CDNF: variants seen among roughly 807,000 people sequenced by gnomAD.
CDNF encodes cerebral dopamine neurotrophic factor.
A neutral mutation model predicts 14.8 loss-of-function variants in CDNF; 9 were observed. That is an observed-to-expected ratio of 0.61 (90% CI 0.37 to 1.06). CDNF has a LOEUF of 1.06. CDNF is among the 50% of genes least tolerant of loss of function. The pLI is 0.01. For synonymous variants in CDNF, 86 were observed against 87.2 expected, an observed-to-expected ratio of 0.99 and a Z score of 0.07; for missense variants, 228 against 228.4, an observed-to-expected ratio of 1.00 and a Z score of 0.01.
chr10:14,820,946 C>T (rs532098753), intron 3 of CDNF, among the ~76,000 whole-genome samples: 3 of 151,522 alleles, frequency 2.0e-5, no homozygotes, highest in Non-Finnish European at 4.4e-5. Context: ...AAGTGTAGCA[C>T]CTCCCCCTTT....
intron 1 of CDNF, among the ~76,000 whole-genome samples, chr10:14,830,550 G>A (rs141965903): frequency 1.1e-3 from 169 of 151,848 alleles, no homozygotes; most frequent in Non-Finnish European, 1.1e-3. Context: ...CTGTAAGTAA[G>A]ACTCACATTT....
intron 3 of CDNF, among the ~76,000 whole-genome samples, chr10:14,824,570 C>A (rs990387719): frequency 6.9e-6 from 1 of 145,536 alleles, no homozygotes; most frequent in Non-Finnish European, 1.5e-5. Context: ...CGCACCACTG[C>A]ACTCCAGCCT....
At position 14,826,041 on chromosome 10, in the gene CDNF, A is replaced by C. The variant is rs796700652; in HGVS notation, c.244-421T>G. On this transcript the variant is annotated intron_variant, in intron 2 of 3. Coordinates refer to ENST00000465530, the MANE Select transcript of CDNF (RefSeq NM_001029954.3). ...GAAGAAGAAGAAGGAGAAGAAGAAG[A>C]AGAAGAAGAAGAAGAAGAAGAAGAA... is the stretch of plus-strand genomic sequence containing the variant. 3.2e-4 allele frequency among the ~76,000 whole-genome samples: 30 copies of C among 93,350 alleles called. 2 individuals are homozygous for C. Among genetic ancestry groups the C allele is most frequent in the East Asian group, 1.3e-3 (5 of 3,746 alleles). 61.2% of individuals were successfully genotyped at this position (93,350 alleles called of 152,430 possible).
intron 1 of CDNF, among the ~76,000 whole-genome samples, chr10:14,835,231 T>A (rs1469336194): frequency 6.6e-6 from 1 of 152,096 alleles, no homozygotes; most frequent in Non-Finnish European, 1.5e-5. Flanking sequence ...GTTAGAGATT[T>A]ATTAGACTGG....
intron 1 of CDNF, among the ~76,000 whole-genome samples, chr10:14,834,976 G>A (rs1385043369): frequency 6.6e-6 from 1 of 152,182 alleles, no homozygotes; most frequent in Non-Finnish European, 1.5e-5. Flanking sequence ...ACTCAACGAT[G>A]TAGTGATTGG....
chr10:14,821,444 C>A lies in CDNF; in HGVS notation c.386-1286G>T, dbSNP rs79925145. The stretch of plus-strand genomic sequence containing the variant: ...TGGCCAATAGTTCTTTACAGCAATG[C>A]GGGAACAGACTAATACAAATAGCAT... On this transcript the variant is annotated intron_variant, in intron 3 of 3. Coordinates refer to ENST00000465530, the MANE Select transcript of CDNF (RefSeq NM_001029954.3). Among the ~76,000 whole-genome samples, 3 of 152,084 alleles carry A rather than the reference C, an allele frequency of 2.0e-5. 1 individual carries two copies. Among genetic ancestry groups the A allele is most frequent in the South Asian group, 4.1e-4 (2 of 4,834 alleles).
chr10:14,833,514 T>C (rs1833862807), intron 1 of CDNF, among the ~76,000 whole-genome samples: 1 of 152,196 alleles, frequency 6.6e-6, no homozygotes, highest in African/African-American at 2.4e-5. Context: ...AGATAAATAT[T>C]ACAGATATTA....
At position 14,826,460 on chromosome 10, in the gene CDNF, GA is replaced by G. The variant is rs773654810; in HGVS notation, c.244-841del. ...GAAAGAAGCAGAAGAAGCAGAAGAA[GA>G]AAGAAGCAGAAGAAGAAGAAAAAGA... On this transcript the variant is annotated intron_variant, in intron 2 of 3. Coordinates refer to ENST00000465530, the MANE Select transcript of CDNF (RefSeq NM_001029954.3). 2.0e-4 allele frequency among the ~76,000 whole-genome samples: 26 copies of G among 127,850 alleles called. No individual in the cohort carries two copies. The East Asian group carries it at 3.7e-3, about 18-fold the overall frequency. 83.9% of individuals were successfully genotyped at this position (127,850 alleles called of 152,430 possible).
At chr10:14,822,212 A>G (rs750685296) in intron 3 of CDNF, among the ~76,000 whole-genome samples, 7 of 152,176 alleles carry the variant, frequency 4.6e-5, no homozygotes, top group Non-Finnish European at 1.0e-4. Flanking sequence ...CTTGCCAATG[A>G]TACTTGTCAC....
intron 1 of CDNF, among the ~76,000 whole-genome samples, chr10:14,831,581 TA>T (rs962072740): frequency 1.1e-4 from 16 of 150,662 alleles, no homozygotes; most frequent in South Asian, 4.2e-4. Flanking sequence ...TATATATATA[TA>T]TTTTTTTTCA....
rs562536633 is a variant in CDNF at position 14,829,651 on chromosome 10, C to T, written c.116-1379G>A. On this transcript the variant is annotated intron_variant, in intron 1 of 3. Coordinates refer to ENST00000465530, the MANE Select transcript of CDNF (RefSeq NM_001029954.3). ...TTGTTTGTTTGTTTGTTTTTTAAGACGAAGTCTCGCTCTGTTCACCCAGGC... is the reference window on the plus strand; with the variant it reads ...TTGTTTGTTTGTTTGTTTTTTAAGATGAAGTCTCGCTCTGTTCACCCAGGC... Among the ~76,000 whole-genome samples the T allele has an allele frequency of 1.3e-3, 195 of 152,068 alleles. 1 individual carries two copies. Among genetic ancestry groups the T allele is most frequent in the African/African-American group, 4.5e-3 (186 of 41,490 alleles).
chr10:14,835,577 A>G (rs1407665653), intron 1 of CDNF, among the ~76,000 whole-genome samples: 1 of 152,204 alleles, frequency 6.6e-6, no homozygotes, highest in Non-Finnish European at 1.5e-5. Flanking sequence ...GGATGTCTTT[A>G]TTGCTAAAAT....
chr10:14,828,255 T>G lies in CDNF; in HGVS notation c.133A>C (p.Asn45His). ...TCTATCAGTGACTTGTAGAATCGGTTCAAGAATTCTTTACATACTGGAAGG... is the reference window on the plus strand; with the variant it reads ...TCTATCAGTGACTTGTAGAATCGGTGCAAGAATTCTTTACATACTGGAAGG... ...ADCEVCKEFL[N>H]RFYKSLIDRG... The change falls in exon 2 of 4, where the codon AAC (asparagine) becomes CAC (histidine). Residue 45 changes from asparagine (N) to histidine (H), a missense_variant. Transcript: ENST00000465530. 1 of 1,613,748 alleles carries G rather than the reference T, an allele frequency of 6.2e-7. No individual in the cohort carries two copies. Among genetic ancestry groups the G allele is most frequent in the Non-Finnish European group, 8.5e-7 (1 of 1,179,700 alleles).
At chr10:14,821,941 G>A (rs1053860876) in intron 3 of CDNF, among the ~76,000 whole-genome samples, 3 of 152,152 alleles carry the variant, frequency 2.0e-5, no homozygotes, top group Admixed American at 6.5e-5. Flanking sequence ...ATGTATCTTC[G>A]GCAAAGCAAA....
chr10:14,837,612 T>A (rs1833903830), intron 1 of CDNF, among the ~76,000 whole-genome samples: 1 of 152,212 alleles, frequency 6.6e-6, no homozygotes, highest in Non-Finnish European at 1.5e-5. Context: ...CTGCTGAAGT[T>A]TAATATTCAC....
chr10:14,826,432 GAAGA>G (rs1366757970), intron 2 of CDNF, among the ~76,000 whole-genome samples: 2 of 150,662 alleles, frequency 1.3e-5, no homozygotes, highest in South Asian at 2.1e-4. Flanking sequence ...AGAAGCAGCA[GAAGA>G]AAGAAGCAGA....
chr10:14,833,830 G>A (rs1055411224), intron 1 of CDNF, among the ~76,000 whole-genome samples: 3 of 152,058 alleles, frequency 2.0e-5, no homozygotes, highest in Admixed American at 6.6e-5. Flanking sequence ...AGAAAAAGAC[G>A]GAAAGGAGCA....
intron 1 of CDNF, among the ~76,000 whole-genome samples, chr10:14,829,700 A>T (rs1240219312): frequency 6.6e-6 from 1 of 151,492 alleles, no homozygotes; most frequent in Non-Finnish European, 1.5e-5. Flanking sequence ...CGCAATCTCA[A>T]CTCTCTGCAA....
chr10:14,837,486 C>T (rs1029977986), intron 1 of CDNF, among the ~76,000 whole-genome samples: 2 of 152,212 alleles, frequency 1.3e-5, no homozygotes, highest in Non-Finnish European at 2.9e-5. Context: ...GTCTTCTGTG[C>T]AAGGGGAGGC....
Sources: allele counts gnomAD v4.1 joint callset (sites outside exome capture counted in the v4.1 genomes callset), GRCh38; gene constraint gnomAD v4.1.1; transcripts MANE v1.5; gene names NCBI Gene and HGNC (gene_info 2026-07-23, HGNC 2026-07-21).